DTD1: variants seen among roughly 807,000 people sequenced by gnomAD.
DTD1 encodes D-tyrosyl-tRNA deacylase 1 homolog.
DTD1 carries 13 observed loss-of-function variants against 25.6 expected under a neutral mutation model. That is an observed-to-expected ratio of 0.51 (90% CI 0.33 to 0.81). DTD1 has a LOEUF of 0.81. Among genes scored for constraint, DTD1 ranks in the 30% least tolerant of loss-of-function variants. DTD1 has a pLI of 0.02. For synonymous variants in DTD1, 110 were observed against 103.6 expected (o/e 1.06, Z -0.37); for missense variants, 193 against 266.4 (o/e 0.72, Z 1.92).
chr20:18,750,573 G>T, intron 5 of DTD1, among the ~76,000 whole-genome samples: 1 of 152,202 alleles, frequency 6.6e-6, no homozygotes, highest in African/African-American at 2.4e-5. Context: ...AGCCTTCATG[G>T]TTCAGAGGAC....
chr20:18,704,774 G>A (rs548382230), intron 4 of DTD1, among the ~76,000 whole-genome samples: 6 of 152,190 alleles, frequency 3.9e-5, no homozygotes, highest in African/African-American at 7.2e-5. Context: ...ATCCAGCTCC[G>A]AATGTCAGTA....
Position 18,749,335 on chromosome 20 carries a change from G to T in DTD1, c.*19+5064G>T, listed in dbSNP as rs1177402082. Among the ~76,000 whole-genome samples the T allele has an allele frequency of 2.6e-5, 4 of 152,156 alleles. No individual in the cohort carries two copies. The highest frequency in any genetic ancestry group is 2.9e-5 in the Non-Finnish European group (2 of 68,016). On this transcript the variant is annotated intron_variant, in intron 5 of 5. Coordinates refer to ENST00000377452, the MANE Select transcript of DTD1 (RefSeq NM_080820.6). This position sits in a 1 kb window ranked among gnomAD's most constrained non-coding sequence, Gnocchi z 4.2. ...TGAGAGTGCTGCTCAGCATCGCCGT[G>T]GGGTGGGGAAGGCTCCAGAGGGTGT...
chr20:18,759,178 G>C (rs1432334241), intron 5 of DTD1, among the ~76,000 whole-genome samples: 3 of 152,126 alleles, frequency 2.0e-5, no homozygotes, highest in African/African-American at 7.2e-5. Flanking sequence ...GATGGGTCTT[G>C]ACTCTTTATC....
At chr20:18,607,415 C>A (rs974490704) in intron 3 of DTD1, among the ~76,000 whole-genome samples, 1 of 152,086 alleles carries the variant, frequency 6.6e-6, no homozygotes, top group Non-Finnish European at 1.5e-5. Context: ...CATGTCTAGG[C>A]CCCAAAGTGC....
intron 4 of DTD1, chr20:18,631,018 A>T: frequency 1.0e-6 from 1 of 978,480 alleles, no homozygotes; most frequent in Non-Finnish European, 1.2e-6. Flanking sequence ...GAAGTCTACC[A>T]GATACCTCCA....
At chr20:18,732,545 T>C (rs1490562848) in intron 4 of DTD1, among the ~76,000 whole-genome samples, 1 of 152,226 alleles carries the variant, frequency 6.6e-6, no homozygotes, top group African/African-American at 2.4e-5. Context: ...TGGTTACTTC[T>C]GTCCTCTCTT....
chr20:18,706,384 A>T (rs1034088743), intron 4 of DTD1, among the ~76,000 whole-genome samples: 2 of 152,196 alleles, frequency 1.3e-5, no homozygotes, highest in African/African-American at 2.4e-5. Flanking sequence ...AGGCATAAAT[A>T]AATAAAATAT....
chr20:18,758,856 C>T (rs181712318), intron 5 of DTD1, among the ~76,000 whole-genome samples: 19 of 152,042 alleles, frequency 1.2e-4, no homozygotes, highest in Admixed American at 3.9e-4. Context: ...ATCTGTCTAA[C>T]GTTGACAGTG....
intron 3 of DTD1, among the ~76,000 whole-genome samples, chr20:18,611,372 G>C (rs191179938): frequency 6.6e-6 from 1 of 152,280 alleles, no homozygotes; most frequent in East Asian, 1.9e-4. Context: ...GTATGAAAAG[G>C]CTCTGTGAGC....
At chr20:18,649,326 C>CTTTTTTTCTTTT (rs2060864132) in intron 4 of DTD1, among the ~76,000 whole-genome samples, 3 of 57,652 alleles carry the variant, frequency 5.2e-5, no homozygotes, top group South Asian at 1.4e-3. Context: ...ATTCATCTTT[C>CTTTTTTTCTTTT]TTTTTTTTTT....
At chr20:18,696,551 T>C (rs2061077910) in intron 4 of DTD1, among the ~76,000 whole-genome samples, 1 of 152,118 alleles carries the variant, frequency 6.6e-6, no homozygotes, top group Admixed American at 6.5e-5. Context: ...CTGTAGTTTT[T>C]GTTTGTTTGT....
intron 4 of DTD1, among the ~76,000 whole-genome samples, chr20:18,705,444 G>A (rs2061122498): frequency 6.6e-6 from 1 of 152,154 alleles, no homozygotes; most frequent in South Asian, 2.1e-4. Context: ...AATATGAGAA[G>A]AGGGTTGGAA....
At chr20:18,682,326 A>G (rs1046217014) in intron 4 of DTD1, among the ~76,000 whole-genome samples, 2 of 152,178 alleles carry the variant, frequency 1.3e-5, no homozygotes, top group Non-Finnish European at 2.9e-5. Flanking sequence ...TTCTTCGCCC[A>G]TTGTTGGACA....
chr20:18,648,525 A>G (rs2060858802), intron 4 of DTD1, among the ~76,000 whole-genome samples: 1 of 152,198 alleles, frequency 6.6e-6, no homozygotes, highest in Admixed American at 6.5e-5. Context: ...GTCTCAGTGT[A>G]AAATGAAAAA....
chr20:18,743,734 TTGA>T (rs2061288458), intron 4 of DTD1, among the ~76,000 whole-genome samples: 1 of 150,834 alleles, frequency 6.6e-6, no homozygotes, highest in African/African-American at 2.4e-5. Flanking sequence ...AGAAGGTAAC[TTGA>T]TGAGAAAAAA....
chr20:18,622,878 G>A (rs1488303551), intron 3 of DTD1, among the ~76,000 whole-genome samples: 1 of 151,486 alleles, frequency 6.6e-6, no homozygotes, highest in Non-Finnish European at 1.5e-5. Flanking sequence ...TCTGGGCAGT[G>A]CACTTTACCT....
At chr20:18,592,949 T>C (rs569495087) in intron 1 of DTD1, among the ~76,000 whole-genome samples, 1 of 152,322 alleles carries the variant, frequency 6.6e-6, no homozygotes, top group African/African-American at 2.4e-5. Flanking sequence ...CCCAAAGTGC[T>C]GGGATTACAG....
rs146497662 is a variant in DTD1, at chr20:18,588,100, C to G, written c.28C>G (p.Arg10Gly). The G allele has an allele frequency of 1.5e-6, 2 of 1,326,706 alleles. No individual in the cohort carries two copies. Among genetic ancestry groups the G allele is most frequent in the South Asian group, 1.9e-5 (1 of 51,822 alleles). The allele number at this position is 1,326,706 out of a possible 1,614,324, so 82.2% of individuals were successfully genotyped here. Residue 10 changes from arginine to glycine, a missense_variant, in exon 1 of 6, where the codon CGG (arginine) becomes GGG (glycine). By Grantham distance (125) the Arg-to-Gly change is moderately radical. Transcript: ENST00000377452. MKAVVQRVT[R>G]ASVTVGGEQI... ...GAAGGCCGTGGTGCAGCGCGTCACC[C>G]GGGCCAGCGTCACAGGTCAGTCGGG...
chr20:18,619,108 G>A (rs1268581840), intron 3 of DTD1, among the ~76,000 whole-genome samples: 5 of 152,032 alleles, frequency 3.3e-5, no homozygotes, highest in Non-Finnish European at 7.4e-5. Flanking sequence ...GCCTCCCAAA[G>A]TGCTGGGATT....
Sources: allele counts gnomAD v4.1 joint callset (sites outside exome capture counted in the v4.1 genomes callset), GRCh38; gene constraint gnomAD v4.1.1; non-coding constraint Gnocchi (gnomAD v3.1); transcripts MANE v1.5; gene names NCBI Gene and HGNC (gene_info 2026-07-23, HGNC 2026-07-21).